Variants in ASB2 observed in about 807,000 individuals in gnomAD.
ASB2 encodes ankyrin repeat and SOCS box containing 2.
ASB2 carries 58 observed loss-of-function variants against 62.4 expected under a neutral mutation model. The ratio of observed to expected loss-of-function variants is 0.93; its 90% CI spans 0.75 to 1.16. The LOEUF is 1.16. ASB2 is among the 50% of genes most tolerant of loss of function. ASB2 has a pLI of 0.00. For missense variants in ASB2, 928 were observed against 887.9 expected, an observed-to-expected ratio of 1.05 and a Z score of -0.57; for synonymous variants, 386 against 385.3, an observed-to-expected ratio of 1.00 and a Z score of -0.02.
intron 8 of ASB2, among the ~76,000 whole-genome samples, chr14:93,938,124 T>C (rs1888340200): frequency 1.3e-5 from 2 of 151,676 alleles, no homozygotes; most frequent in South Asian, 4.2e-4. Context: ...AATTAGGTAA[T>C]ATGAACATAA....
At chr14:93,976,109 C>T (rs4905125) in intron 1 of ASB2, among the ~76,000 whole-genome samples, 118,614 of 152,232 alleles carry the variant, frequency 0.78, 46,458 homozygotes, top group East Asian at 0.98. Context: ...ACACAGATAC[C>T]GCCCAAGACC....
At position 93,947,489 on chromosome 14, in the gene ASB2, G is replaced by A. The variant is rs146319326; in HGVS notation, c.912C>T (p.Asn304=). 68 of 1,614,022 alleles carry A rather than the reference G, an allele frequency of 4.2e-5. No individual in the cohort carries two copies. The highest frequency in any genetic ancestry group is 3.1e-4 in the African/African-American group (23 of 74,952). Residue 304 remains asparagine (N), a synonymous_variant, in exon 7 of 10, where the codon AAC becomes AAT. Coordinates refer to ENST00000555019, the MANE Select transcript of ASB2 (RefSeq NM_001202429.2). ...TGCAGGCCTCGTAGAGGGCAGACGCGTTGTCGCTGGCCTGCGTGTTGATGT... is the reference window on the plus strand; with the variant it reads ...TGCAGGCCTCGTAGAGGGCAGACGCATTGTCGCTGGCCTGCGTGTTGATGT... The part of the protein sequence containing the change: ...GADINTQASD[N]ASALYEACKN...
At chr14:93,950,663 A>G (rs903997319) in intron 6 of ASB2, among the ~76,000 whole-genome samples, 2 of 152,256 alleles carry the variant, frequency 1.3e-5, no homozygotes, top group Admixed American at 6.5e-5. Context: ...CTATAGGACT[A>G]TAGATAAGTC....
Position 93,950,963 on chromosome 14 carries a change from G to A in ASB2, c.880+36C>T, listed in dbSNP as rs569006528. ...CTGACATCCTTCCCGTGTGCCCTTT[G>A]GGGACTCCATGACCTAGGGACCCTT... On this transcript the variant is annotated intron_variant, in intron 6 of 9. Transcript: ENST00000555019. 2.5e-6 allele frequency: 4 copies of A among 1,591,672 alleles called. No individual in the cohort carries two copies. The South Asian group carries it at 4.6e-5, about 18-fold the overall frequency.
rs749795464 is a variant in ASB2, at chr14:93,951,007, G to T, written c.872C>A (p.Ala291Asp). ...SGQLEALRFL[A>D]KYGADINTQA... ...GACCCTTAGCCACTCACCGTACTTG[G>T]CTAAGAACCTCAAGGCCTCCAACTG... The change falls in exon 6 of 10, where the codon GCC becomes GAC. Residue 291 changes from alanine (A) to aspartate (D), a missense_variant. Transcript: ENST00000555019. 1 of 1,613,332 alleles carries T rather than the reference G, an allele frequency of 6.2e-7. No individual in the cohort carries two copies. Among genetic ancestry groups the T allele is most frequent in the Non-Finnish European group, 8.5e-7 (1 of 1,179,730 alleles).
intron 1 of ASB2, among the ~76,000 whole-genome samples, chr14:93,969,413 C>T (rs1179326828): frequency 6.6e-6 from 1 of 152,228 alleles, no homozygotes; most frequent in Non-Finnish European, 1.5e-5. Flanking sequence ...AGTAGTTTCT[C>T]CATCTGTAAA....
intron 1 of ASB2, 25 bp from the exon 2 acceptor site, chr14:93,964,637 G>A: frequency 9.0e-7 from 1 of 1,110,874 alleles, no homozygotes; most frequent in Non-Finnish European, 1.3e-6. Context: ...AAACCATCCT[G>A]GTCACGAACA....
chr14:93,962,304 CG>C (rs1221669426), intron 2 of ASB2, among the ~76,000 whole-genome samples: 1 of 151,800 alleles, frequency 6.6e-6, no homozygotes, highest in East Asian at 1.9e-4. Flanking sequence ...TTAGTAGAGA[CG>C]GGGTTTCACC....
rs4353433 is a variant in ASB2, at chr14:93,951,456, C to G, written c.635-212G>C. On this transcript the variant is annotated intron_variant, in intron 5 of 9. Transcript: ENST00000555019. ...CAAGAATACTTGCTGATTCATATGC[C>G]TAGTACTGGTTCTGTGCCAGGCTCT... 3.9e-5 allele frequency among the ~76,000 whole-genome samples: 6 copies of G among 152,050 alleles called. No homozygotes were observed. The South Asian group carries it at 1.2e-3, about 31-fold the overall frequency.
At chr14:93,974,128 A>G (rs1483149477) in intron 1 of ASB2, 1 of 151,750 alleles carries the variant, frequency 6.6e-6, no homozygotes, top group Non-Finnish European at 1.5e-5. Context: ...TTCCTTTTTT[A>G]TCCTCTCTCC....
chr14:93,964,743 C>G (rs1889531367), intron 1 of ASB2, 131 bp from the exon 2 acceptor site: 2 of 604,144 alleles, frequency 3.3e-6, no homozygotes, highest in Admixed American at 2.7e-5. Flanking sequence ...GTCACATGAC[C>G]CACCTAACCA....
At chr14:93,949,810 C>G (rs2141289130) in intron 6 of ASB2, among the ~76,000 whole-genome samples, 1 of 152,268 alleles carries the variant, frequency 6.6e-6, no homozygotes, top group Middle Eastern at 3.4e-3. Context: ...ACCAGGACCC[C>G]CGGCCTGGGC....
intron 1 of ASB2, among the ~76,000 whole-genome samples, chr14:93,975,628 C>A (rs1018403577): frequency 2.6e-5 from 4 of 152,332 alleles, no homozygotes; most frequent in Admixed American, 2.6e-4. Flanking sequence ...GTGCCTCTCC[C>A]TCTGGCCTCC....
rs113588700 is a variant in ASB2, at chr14:93,937,475, A to G, written c.1771+223T>C. On this transcript the variant is annotated intron_variant, in intron 9 of 9. Transcript: ENST00000555019. ...TAGCGGAGAGACTCTGGGGTTGGTC[A>G]AACCTGGGTTTTAATCCCAGCTCTG... Among the ~76,000 whole-genome samples, 279 of 152,336 alleles carry G rather than the reference A, an allele frequency of 1.8e-3. 1 individual carries two copies. Among genetic ancestry groups the G allele is most frequent in the African/African-American group, 6.4e-3 (266 of 41,580 alleles).
intron 2 of ASB2, among the ~76,000 whole-genome samples, chr14:93,964,040 C>T (rs1404049094): frequency 2.0e-5 from 3 of 152,136 alleles, no homozygotes; most frequent in African/African-American, 2.4e-5. Flanking sequence ...TATGTGACCT[C>T]GGGCCTCTTT....
At chr14:93,949,236 C>G (rs1239766108) in intron 6 of ASB2, among the ~76,000 whole-genome samples, 1 of 152,206 alleles carries the variant, frequency 6.6e-6, no homozygotes, top group Non-Finnish European at 1.5e-5. Context: ...TGATCTCAGG[C>G]TTTCTGGTAA....
intron 1 of ASB2, among the ~76,000 whole-genome samples, 180 bp from the exon 2 acceptor site, chr14:93,964,792 T>C (rs1889534938): frequency 6.9e-6 from 1 of 145,462 alleles, no homozygotes; most frequent in Non-Finnish European, 1.5e-5. Flanking sequence ...TCCACTCATC[T>C]ATTCATTTAC....
chr14:93,966,222 T>A (rs2141316171), intron 1 of ASB2, among the ~76,000 whole-genome samples: 1 of 152,368 alleles, frequency 6.6e-6, no homozygotes, highest in Middle Eastern at 3.4e-3. Context: ...TTCCCCCATC[T>A]TCCCTGATAG....
intron 1 of ASB2, among the ~76,000 whole-genome samples, chr14:93,971,732 G>T (rs1456851217): frequency 6.6e-6 from 1 of 151,992 alleles, no homozygotes; most frequent in Non-Finnish European, 1.5e-5. Context: ...GCGTATTATA[G>T]TTCCTATTCT....
Sources: allele counts gnomAD v4.1 joint callset (sites outside exome capture counted in the v4.1 genomes callset), GRCh38; gene constraint gnomAD v4.1.1; transcripts MANE v1.5; gene names NCBI Gene and HGNC (gene_info 2026-07-23, HGNC 2026-07-21).